The following SLC39A11 variants were observed in gnomAD, a reference collection of about 807,000 sequenced individuals.
SLC39A11 encodes the protein zinc transporter ZIP11.
A neutral mutation model predicts 36.1 loss-of-function variants in SLC39A11; 33 were observed. The ratio of observed to expected loss-of-function variants is 0.91; its 90% CI spans 0.69 to 1.22. The LOEUF (loss-of-function observed/expected upper bound fraction) is 1.22. Among genes scored for constraint, SLC39A11 ranks in the 50% most tolerant of loss-of-function variants. The pLI is 0.00. For missense variants in SLC39A11, 432 were observed against 430.3 expected, an observed-to-expected ratio of 1.00 and a Z score of -0.03; for synonymous variants, 166 against 170.3, an observed-to-expected ratio of 0.97 and a Z score of 0.20.
chr17:72,822,758 AG>A (rs2077849005), intron 6 of SLC39A11, among the ~76,000 whole-genome samples: 1 of 150,792 alleles, frequency 6.6e-6, no homozygotes, highest in African/African-American at 2.4e-5. Context: ...TCTGTCACCC[AG>A]GCTGGAGTGC....
At chr17:72,952,533 G>T (rs1412123434) in intron 4 of SLC39A11, among the ~76,000 whole-genome samples, 3 of 152,194 alleles carry the variant, frequency 2.0e-5, no homozygotes, top group African/African-American at 4.8e-5. Context: ...CAGGTTGAGG[G>T]CACTGGAGCT....
rs111902885 is a variant in SLC39A11, at chr17:72,783,018, A to G, written c.602-46299T>C. ...CTCTGTCTCAACAAAAAAAAAAAAA[A>G]AAAAGAAAAAAGAAAAGAAAAGAAA... On this transcript the variant is annotated intron_variant, in intron 6 of 9. Coordinates refer to ENST00000255559, the MANE Select transcript of SLC39A11 (RefSeq NM_139177.4). 4.7e-4 allele frequency among the ~76,000 whole-genome samples: 67 copies of G among 142,324 alleles called. 1 individual carries two copies. Among genetic ancestry groups the G allele is most frequent in the African/African-American group, 1.6e-3 (52 of 32,982 alleles). 93.4% of individuals were successfully genotyped at this position (142,324 alleles called of 152,430 possible). A position where few individuals can be genotyped will look rare whatever the true frequency, so the allele number is the denominator to read the frequency against.
intron 7 of SLC39A11, among the ~76,000 whole-genome samples, chr17:72,726,703 C>G (rs2143709009): frequency 1.3e-5 from 2 of 152,282 alleles, no homozygotes; most frequent in East Asian, 3.9e-4. Context: ...GCTTTGTTAA[C>G]TAATGGCTGC....
chr17:72,687,464 C>G (rs140271398), intron 7 of SLC39A11, among the ~76,000 whole-genome samples: 2 of 152,126 alleles, frequency 1.3e-5, no homozygotes, highest in Non-Finnish European at 2.9e-5. Flanking sequence ...AGGATGGTCT[C>G]GATCTCCTGA....
intron 7 of SLC39A11, among the ~76,000 whole-genome samples, chr17:72,719,603 G>A (rs1204437277): frequency 6.6e-6 from 1 of 152,210 alleles, no homozygotes; most frequent in African/African-American, 2.4e-5. Context: ...AGGACGGACA[G>A]GGCAGCAGTG....
chr17:72,911,329 A>C (rs111616126), intron 5 of SLC39A11, among the ~76,000 whole-genome samples: 7,392 of 152,096 alleles, frequency 0.049, 217 homozygotes, highest in Middle Eastern at 0.065. Context: ...TGACGAGTTA[A>C]TGGGTGCAGC....
chr17:72,827,300 G>A (rs756591379), intron 6 of SLC39A11, among the ~76,000 whole-genome samples: 8 of 152,188 alleles, frequency 5.3e-5, no homozygotes, highest in Non-Finnish European at 1.0e-4. Flanking sequence ...AATTCATAGA[G>A]ACAAAAGTAG....
intron 7 of SLC39A11, among the ~76,000 whole-genome samples, chr17:72,669,696 C>A (rs922357092): frequency 6.6e-6 from 1 of 151,972 alleles, no homozygotes; most frequent in Non-Finnish European, 1.5e-5. Context: ...AAGGGAGATA[C>A]CAATATGCCA....
At chr17:72,825,794 C>T (rs1452579070) in intron 6 of SLC39A11, among the ~76,000 whole-genome samples, 4 of 152,096 alleles carry the variant, frequency 2.6e-5, no homozygotes. Context: ...TGGATTTGCC[C>T]CTTTGTTTTG....
chr17:72,856,266 G>C (rs1243079984), intron 5 of SLC39A11, among the ~76,000 whole-genome samples: 1 of 152,132 alleles, frequency 6.6e-6, no homozygotes, highest in Non-Finnish European at 1.5e-5. Context: ...TATTTATGGG[G>C]CAAATGACAT....
At chr17:73,054,183 G>A (rs776091647) in intron 3 of SLC39A11, among the ~76,000 whole-genome samples, 1 of 152,076 alleles carries the variant, frequency 6.6e-6, no homozygotes, top group African/African-American at 2.4e-5. Context: ...ACCACATGGT[G>A]AAACCCCGTG....
At chr17:72,996,031 T>A (rs2089485187) in intron 4 of SLC39A11, among the ~76,000 whole-genome samples, 1 of 152,074 alleles carries the variant, frequency 6.6e-6, no homozygotes, top group African/African-American at 2.4e-5. Flanking sequence ...CCTAGCCTAT[T>A]GTAGTAGCTG....
intron 6 of SLC39A11, among the ~76,000 whole-genome samples, chr17:72,832,464 T>C (rs1318573202): frequency 3.3e-5 from 5 of 152,232 alleles, no homozygotes; most frequent in Non-Finnish European, 7.3e-5. Flanking sequence ...AAGGAGAAGA[T>C]GACAGCCAAA....
rs151076827 is a variant in SLC39A11, at chr17:72,715,254, T to C, written c.671+21396A>G. On this transcript the variant is annotated intron_variant, in intron 7 of 9. Transcript: ENST00000255559. ...CACCATGACTAAGTTCTTCAAAAAATTAAAAATCAAATTACCGAATGATTT... is the reference window on the plus strand; with the variant it reads ...CACCATGACTAAGTTCTTCAAAAAACTAAAAATCAAATTACCGAATGATTT... Among the ~76,000 whole-genome samples the C allele has an allele frequency of 9.0e-3, 1,374 of 152,314 alleles. 18 individuals carry two copies. Among genetic ancestry groups the C allele is most frequent in the African/African-American group, 0.031 (1,307 of 41,548 alleles).
chr17:72,845,268 CA>C (rs1469684150), intron 6 of SLC39A11, among the ~76,000 whole-genome samples: 1 of 152,256 alleles, frequency 6.6e-6, no homozygotes, highest in Non-Finnish European at 1.5e-5. Context: ...CTTATGCCTC[CA>C]AGTTCCATCT....
intron 7 of SLC39A11, among the ~76,000 whole-genome samples, chr17:72,661,473 C>T (rs1001430303): frequency 1.3e-5 from 2 of 152,230 alleles, no homozygotes; most frequent in African/African-American, 4.8e-5. Flanking sequence ...ACAAGCCCTG[C>T]TTCACCCCGG....
At chr17:72,734,981 C>T (rs1490314617) in intron 7 of SLC39A11, among the ~76,000 whole-genome samples, 2 of 152,152 alleles carry the variant, frequency 1.3e-5, no homozygotes, top group Non-Finnish European at 2.9e-5. Flanking sequence ...CCCCAGGCCC[C>T]GCGCTTAGAA....
At chr17:72,839,413 A>G (rs1449655768) in intron 6 of SLC39A11, 1 of 152,240 alleles carries the variant, frequency 6.6e-6, no homozygotes, top group African/African-American at 2.4e-5. Context: ...ATCTTTATAA[A>G]AAGGCAGAGG....
chr17:73,081,738 T>TAC (rs1170725671), intron 3 of SLC39A11, among the ~76,000 whole-genome samples: 2 of 149,512 alleles, frequency 1.3e-5, no homozygotes, highest in South Asian at 4.2e-4. Flanking sequence ...TGTATGTATA[T>TAC]ATATATACAT....
Sources: gnomAD v4.1 joint callset for allele counts (sites outside exome capture counted in the v4.1 genomes callset) on GRCh38, gnomAD v4.1.1 for gene constraint, MANE v1.5 for transcripts, NCBI Gene and HGNC (gene_info 2026-07-23, HGNC 2026-07-21) for gene names.